SGK1: variants seen among roughly 807,000 people sequenced by gnomAD.
SGK1 encodes the protein serine/threonine-protein kinase Sgk1.
A neutral mutation model predicts 64.2 loss-of-function variants in SGK1; 26 were observed. The ratio of observed to expected loss-of-function variants is 0.40; its 90% CI spans 0.30 to 0.56. SGK1 has a LOEUF of 0.56. Ranked by LOEUF, SGK1 falls within the 20% of genes least tolerant of loss-of-function variation. SGK1 has a pLI of 0.38. For synonymous variants in SGK1, 265 were observed against 239.7 expected (o/e 1.11, Z -0.98); for missense variants, 519 against 645.6 (o/e 0.80, Z 2.12).
At chr6:134,235,206 C>CT (rs1461843189) in intron 2 of SGK1, among the ~76,000 whole-genome samples, 5 of 152,168 alleles carry the variant, frequency 3.3e-5, no homozygotes, top group Non-Finnish European at 5.9e-5. Context: ...GTTGAGCAGT[C>CT]TTTTCTAAAG....
At chr6:134,208,896 G>A (rs201074152) in intron 2 of SGK1, among the ~76,000 whole-genome samples, 36 of 147,438 alleles carry the variant, frequency 2.4e-4, no homozygotes, top group African/African-American at 5.3e-4. Flanking sequence ...GTATGTGTGT[G>A]TATATATATA....
At chr6:134,186,402 G>T (rs1006656365) in intron 3 of SGK1, among the ~76,000 whole-genome samples, 1 of 152,102 alleles carries the variant, frequency 6.6e-6, no homozygotes, top group Non-Finnish European at 1.5e-5. Flanking sequence ...TGTAAATACT[G>T]ATATAAAGTC....
chr6:134,205,762 G>T (rs1279576668), intron 3 of SGK1, among the ~76,000 whole-genome samples: 1 of 152,174 alleles, frequency 6.6e-6, no homozygotes, highest in Non-Finnish European at 1.5e-5. Context: ...CACTACATTA[G>T]ATTTCTGTGA....
At position 134,203,281 on chromosome 6, in the gene SGK1, C is replaced by G. The variant is rs1325580075; in HGVS notation, c.361+4075G>C. Among the ~76,000 whole-genome samples, 4 of 152,226 alleles carry G rather than the reference C, an allele frequency of 2.6e-5. No individual in the cohort carries two copies. In the East Asian group the frequency reaches 7.7e-4, roughly 29 times the overall value. On this transcript the variant is annotated intron_variant, in intron 3 of 13. Transcript: ENST00000367858. ...TAAAAATAAAGTCATTTATTGTAATCTTCAGAGCACCACTGAAAATGTGAT... is the reference window on the plus strand; with the variant it reads ...TAAAAATAAAGTCATTTATTGTAATGTTCAGAGCACCACTGAAAATGTGAT...
At chr6:134,300,449 A>G (rs1346636221) in intron 1 of SGK1, among the ~76,000 whole-genome samples, 2 of 149,940 alleles carry the variant, frequency 1.3e-5, no homozygotes, top group African/African-American at 4.9e-5. Context: ...GTGGCAGGAG[A>G]ATGGCATGAA....
intron 1 of SGK1, among the ~76,000 whole-genome samples, chr6:134,282,033 T>A (rs189163983): frequency 9.8e-4 from 149 of 152,322 alleles, no homozygotes; most frequent in Non-Finnish European, 1.9e-3. Context: ...ATAGGAAATG[T>A]ATAATCCATT....
chr6:134,265,496 A>T (rs1776836200), intron 1 of SGK1, among the ~76,000 whole-genome samples: 1 of 147,766 alleles, frequency 6.8e-6, no homozygotes, highest in South Asian at 2.1e-4. Context: ...AAAAAAATAT[A>T]TATATACACA....
intron 2 of SGK1, among the ~76,000 whole-genome samples, chr6:134,213,686 C>A (rs1775930928): frequency 6.6e-6 from 1 of 150,662 alleles, no homozygotes. Context: ...TGTGGCTTAG[C>A]AGGAAGTTGG....
At chr6:134,305,024 G>C (rs1201051397) in intron 1 of SGK1, among the ~76,000 whole-genome samples, 2 of 152,110 alleles carry the variant, frequency 1.3e-5, no homozygotes, top group Non-Finnish European at 2.9e-5. Flanking sequence ...TCCCTTTACA[G>C]GGAACAGTGA....
At position 134,196,560 on chromosome 6, in the gene SGK1, T is replaced by C. The variant is rs369446698; in HGVS notation, c.361+10796A>G. ...AAATCTGTGGCAAACTCAGAAGGCCTGACTCAAGAATTCACGACACAACCA... is the reference window on the plus strand; with the variant it reads ...AAATCTGTGGCAAACTCAGAAGGCCCGACTCAAGAATTCACGACACAACCA... On this transcript the variant is annotated intron_variant, in intron 3 of 13. Transcript: ENST00000367858. 4.6e-5 allele frequency among the ~76,000 whole-genome samples: 7 copies of C among 152,336 alleles called. No individual in the cohort carries two copies. The East Asian group carries it at 1.2e-3, about 25-fold the overall frequency.
intron 3 of SGK1, among the ~76,000 whole-genome samples, chr6:134,186,617 C>G (rs1399041522): frequency 6.6e-6 from 1 of 152,090 alleles, no homozygotes; most frequent in African/African-American, 2.4e-5. Flanking sequence ...TTTCCTTTAC[C>G]TTCAACAAGA....
At chr6:134,301,558 C>A (rs1777456898) in intron 1 of SGK1, among the ~76,000 whole-genome samples, 2 of 87,778 alleles carry the variant, frequency 2.3e-5, no homozygotes, top group South Asian at 6.0e-4. Context: ...CTTCTCTTCT[C>A]TTCTCTTCTC....
intron 2 of SGK1, among the ~76,000 whole-genome samples, chr6:134,224,213 G>T (rs1048069354): frequency 6.6e-6 from 1 of 152,190 alleles, no homozygotes; most frequent in East Asian, 1.9e-4. Context: ...GCAAAACTGG[G>T]TTAGCATTTA....
At chr6:134,175,685 G>A (rs1351739157) in intron 3 of SGK1, 2 of 1,470,978 alleles carry the variant, frequency 1.4e-6, no homozygotes, top group Non-Finnish European at 9.0e-7. Flanking sequence ...CGGGGCGCGC[G>A]GCAGACGAGA....
At chr6:134,186,326 C>G (rs535906907) in intron 3 of SGK1, among the ~76,000 whole-genome samples, 1 of 152,014 alleles carries the variant, frequency 6.6e-6, no homozygotes, top group Non-Finnish European at 1.5e-5. Context: ...TGCTGATATC[C>G]CATAACTTAA....
intron 3 of SGK1, among the ~76,000 whole-genome samples, chr6:134,203,087 T>G (rs2114678584): frequency 6.6e-6 from 1 of 151,904 alleles, no homozygotes; most frequent in African/African-American, 2.4e-5. Flanking sequence ...CTACTAAAAA[T>G]ACAAAAATTA....
intron 2 of SGK1, among the ~76,000 whole-genome samples, chr6:134,218,281 A>G (rs1403842725): frequency 6.6e-6 from 1 of 152,182 alleles, no homozygotes; most frequent in Non-Finnish European, 1.5e-5. Flanking sequence ...ACTCAAATTT[A>G]TCCTCAATCT....
intron 3 of SGK1, chr6:134,177,581 C>G: frequency 9.6e-7 from 1 of 1,046,148 alleles, no homozygotes; most frequent in South Asian, 1.4e-5. Context: ...CTCTCCTACA[C>G]CCCACCTTAT....
intron 3 of SGK1, 161 bp from the exon 4 acceptor site, chr6:134,174,747 C>T (rs954154822): frequency 1.9e-6 from 3 of 1,614,236 alleles, no homozygotes; most frequent in Non-Finnish European, 2.5e-6. Flanking sequence ...AGAATTGCCA[C>T]CATGCCCCTC....
Sources: allele counts gnomAD v4.1 joint callset (sites outside exome capture counted in the v4.1 genomes callset), GRCh38; gene constraint gnomAD v4.1.1; transcripts MANE v1.5; gene names NCBI Gene and HGNC (gene_info 2026-07-23, HGNC 2026-07-21).